Variants in NIT1 observed in about 807,000 individuals in gnomAD.
The protein encoded by NIT1 is nitrilase 1, also known as deaminated glutathione amidase.
In NIT1, 30 loss-of-function variants were observed where a neutral mutation model predicts 36.8. That is an observed-to-expected ratio of 0.82 (90% CI 0.61 to 1.11). NIT1 has a LOEUF of 1.11. Ranked by LOEUF, NIT1 falls within the 50% of genes least tolerant of loss-of-function variation. The pLI is 0.00. For synonymous variants in NIT1, 151 were observed against 155.6 expected, an observed-to-expected ratio of 0.97 and a Z score of 0.22; for missense variants, 438 against 410.6, an observed-to-expected ratio of 1.07 and a Z score of -0.58.
At chr1:161,121,212 A>G (rs1655455075), downstream of NIT1, 1 of 1,000,828 alleles carries the variant, frequency 1.0e-6, no homozygotes, top group Non-Finnish European at 1.2e-6. Flanking sequence ...TCCCAGCCCC[A>G]TTCTCCCAAG....
At chr1:161,122,852 AC>A, downstream of NIT1, 1 of 834,446 alleles carries the variant, frequency 1.2e-6, no homozygotes, top group South Asian at 1.7e-5. This position sits in a 1 kb window ranked among gnomAD's most constrained non-coding sequence, Gnocchi z 4.2. Context: ...GGATGTCATA[AC>A]AACATCCCTG....
chr1:161,125,251 A>G (rs1183445491), downstream of NIT1: 2 of 152,196 alleles, frequency 1.3e-5, no homozygotes, highest in Non-Finnish European at 2.9e-5. Flanking sequence ...CAATGAGAAA[A>G]TCACGGGTAA....
In NIT1 at chr1:161,119,876, A is replaced by G; in HGVS notation, c.515A>G (p.Gln172Arg). 6.2e-7 allele frequency: 1 copy of G among 1,613,254 alleles called. No homozygotes were observed. The highest frequency in any genetic ancestry group is 8.5e-7 in the Non-Finnish European group (1 of 1,179,784). ...CTGTGTGACGTAGAGATTCCAGGGC[A>G]GGGGCCTATGTGTGAAAGCAACTCT... Reference protein sequence around the residue: ...THLCDVEIPGQGPMCESNSTM... With the variant: ...THLCDVEIPGRGPMCESNSTM... Residue 172 changes from glutamine to arginine, a missense_variant, in exon 5 of 7, where the codon CAG (glutamine) becomes CGG (arginine). Physicochemically the swap from Gln to Arg is conservative, Grantham distance 43. Coordinates refer to ENST00000368009, the MANE Select transcript of NIT1 (RefSeq NM_005600.3).
At chr1:161,123,271 T>C (rs1655735274), downstream of NIT1, 1 of 1,519,092 alleles carries the variant, frequency 6.6e-7, no homozygotes, top group African/African-American at 1.4e-5. Flanking sequence ...AAGGCAGAAA[T>C]TCAAACACTT....
At chr1:161,123,283 T>C, downstream of NIT1, 1 of 1,479,730 alleles carries the variant, frequency 6.8e-7, no homozygotes, top group South Asian at 1.1e-5. Flanking sequence ...CAAACACTTC[T>C]GTTGGAATGA....
chr1:161,124,524 G>T, downstream of NIT1: 1 of 1,546,682 alleles, frequency 6.5e-7, no homozygotes. Flanking sequence ...AATCCCCACC[G>T]TACTGAAAGG....
chr1:161,120,763 T>G lies in NIT1; in HGVS notation c.982T>G (p.Ter328GluextTer24). Residue 328 changes from the stop codon to glutamate, a stop_lost, in exon 7 of 7, where the codon TAA (stop) becomes GAA (glutamate). Transcript: ENST00000368009. ...TGGCAATCTGGGTCACCCACTGTCT[T>G]AAGACTTGACTTCTGTGAGTTTAGA... ...LYGNLGHPLS[*>E] 6.2e-7 allele frequency: 1 copy of G among 1,612,642 alleles called. No individual in the cohort carries two copies. Among genetic ancestry groups the G allele is most frequent in the Non-Finnish European group, 8.5e-7 (1 of 1,179,766 alleles).
At chr1:161,118,221 C>T (rs367651212) in intron 1 of NIT1, 43 bp downstream of exon 1, 34 of 1,613,896 alleles carry the variant, frequency 2.1e-5, no homozygotes, top group South Asian at 2.0e-4. Context: ...TGAATCCCAC[C>T]TGCGGTGCTT....
chr1:161,122,913 A>G (rs1035266837), downstream of NIT1: 3 of 1,331,866 alleles, frequency 2.3e-6, no homozygotes, highest in Non-Finnish European at 3.2e-6. The surrounding 1 kb of genome is among the most constrained non-coding windows in gnomAD (Gnocchi z 4.2). Context: ...CCACAATCAT[A>G]AAGAGCAGTT....
At position 161,120,858 on chromosome 1, in the gene NIT1, A is replaced by G. The variant is rs1655417482; in HGVS notation, c.*93A>G. The G allele has an allele frequency of 1.3e-6, 2 of 1,509,596 alleles. No individual in the cohort carries two copies. The highest frequency in any genetic ancestry group is 2.0e-5 in the Admixed American group (1 of 49,112). 93.5% of individuals were successfully genotyped at this position (1,509,596 alleles called of 1,614,324 possible). On this transcript the variant is annotated 3_prime_UTR_variant, in exon 7 of 7. Transcript: ENST00000368009. ...TGTGACTTGGAGGCAGGATCCAGGC[A>G]CAGCTCCCCTCACTTGGAGAACCTT...
chr1:161,124,699 C>T, downstream of NIT1: 1 of 831,236 alleles, frequency 1.2e-6, no homozygotes, highest in Non-Finnish European at 1.7e-6. Flanking sequence ...CAGGGGCTCA[C>T]ACCTGTAATC....
rs376476076 is a variant in NIT1, at chr1:161,118,779, T to C, written c.3-7T>C. 7 of 1,608,616 alleles carry C rather than the reference T, an allele frequency of 4.4e-6. No homozygotes were observed. Among genetic ancestry groups the C allele is most frequent in the South Asian group, 2.2e-5 (2 of 90,968 alleles). On this transcript the variant is annotated splice_polypyrimidine_tract_variant and splice_region_variant and intron_variant, in intron 1 of 6. Coordinates refer to ENST00000368009, the MANE Select transcript of NIT1 (RefSeq NM_005600.3). Reference sequence around the variant, plus strand: ...GGGTTGGTGTCCTCATATCTCACCTTCCTCAGGCTGGGCTTCATCACCAGG... The same window carrying C: ...GGGTTGGTGTCCTCATATCTCACCTCCCTCAGGCTGGGCTTCATCACCAGG...
At chr1:161,124,281 A>G, downstream of NIT1, 3 of 1,614,222 alleles carry the variant, frequency 1.9e-6, no homozygotes, top group Non-Finnish European at 2.5e-6. Flanking sequence ...TCCATTTCGG[A>G]TGAGTCCACG....
Position 161,118,834 on chromosome 1 carries a change from T to C in NIT1, c.51T>C (p.Cys17=). The change falls in exon 2 of 7, where the codon TGT becomes TGC. Residue 17 remains cysteine, a synonymous_variant. Transcript: ENST00000368009. The part of the protein sequence containing the change: ...RPPHRFLSLL[C]PGLRIPQLSV... The stretch of plus-strand genomic sequence containing the variant: ...CTCACAGATTCCTGTCCCTTCTGTG[T>C]CCTGGACTCCGGATACCTCAACTCT... 1 of 1,614,146 alleles carries C rather than the reference T, an allele frequency of 6.2e-7. No homozygotes were observed. Among genetic ancestry groups the C allele is most frequent in the Non-Finnish European group, 8.5e-7 (1 of 1,179,994 alleles).
At chr1:161,123,512 T>C (rs1299363507), downstream of NIT1, among the ~76,000 whole-genome samples, 6 of 151,806 alleles carry the variant, frequency 4.0e-5, no homozygotes, top group African/African-American at 1.2e-4. Flanking sequence ...GGCGGGCGCC[T>C]GTAGTCCCAG....
chr1:161,119,107 T>C (rs1368993924), intron 2 of NIT1, 27 bp from the exon 3 acceptor site: 2 of 1,608,908 alleles, frequency 1.2e-6, no homozygotes, highest in African/African-American at 2.7e-5. Context: ...CTATGAAATC[T>C]GAGAATCCTG....
chr1:161,118,932 G>C, intron 2 of NIT1, 51 bp downstream of exon 2: 2 of 1,446,190 alleles, frequency 1.4e-6, no homozygotes, highest in Non-Finnish European at 1.9e-6. Context: ...TGCTCAGTTT[G>C]TTAAATGGAT....
intron 1 of NIT1, 196 bp downstream of exon 1, chr1:161,118,374 CGA>C: frequency 2.0e-6 from 3 of 1,523,380 alleles, no homozygotes; most frequent in Non-Finnish European, 2.6e-6. Flanking sequence ...GGGTGGGAGA[CGA>C]GAGAGGGTGA....
At chr1:161,123,830 T>A (rs757501168), downstream of NIT1, 19 of 1,608,618 alleles carry the variant, frequency 1.2e-5, no homozygotes, top group Admixed American at 3.2e-4. Flanking sequence ...GGAGTTAATG[T>A]CTTCTCACCT....
Sources: allele counts gnomAD v4.1 joint callset (sites outside exome capture counted in the v4.1 genomes callset), GRCh38; gene constraint gnomAD v4.1.1; non-coding constraint Gnocchi (gnomAD v3.1); transcripts MANE v1.5; gene names NCBI Gene and HGNC (gene_info 2026-07-23, HGNC 2026-07-21).